NAALAD2: variants seen among roughly 807,000 people sequenced by gnomAD.
NAALAD2 encodes the protein N-acetylated alpha-linked acidic dipeptidase 2, also known as N-acetylated-alpha-linked acidic dipeptidase 2.
NAALAD2 carries 89 observed loss-of-function variants against 95.6 expected under a neutral mutation model. That is an observed-to-expected ratio of 0.93 (90% CI 0.78 to 1.11). NAALAD2 has a LOEUF of 1.11. Among genes scored for constraint, NAALAD2 ranks in the 50% least tolerant of loss-of-function variants. The pLI is 0.00. For synonymous variants in NAALAD2, 264 were observed against 294.4 expected, an observed-to-expected ratio of 0.90 and a Z score of 1.06; for missense variants, 894 against 872.4, an observed-to-expected ratio of 1.02 and a Z score of -0.31.
At chr11:90,160,869 C>A (rs369615022) in intron 8 of NAALAD2, among the ~76,000 whole-genome samples, 1 of 152,142 alleles carries the variant, frequency 6.6e-6, no homozygotes, top group East Asian at 1.9e-4. Flanking sequence ...AAATAAACAA[C>A]AACAAAACTA....
In NAALAD2 at chr11:90,150,663, T is replaced by C. The variant is rs1951867344; in HGVS notation, c.609+56T>C. 3.0e-6 allele frequency: 4 copies of C among 1,348,568 alleles called. No homozygotes were observed. The Admixed American group carries it at 1.0e-4, about 34-fold the overall frequency. 83.5% of individuals were successfully genotyped at this position (1,348,568 alleles called of 1,614,324 possible). A position where few individuals can be genotyped will look rare whatever the true frequency, so the allele number is the denominator to read the frequency against. The stretch of plus-strand genomic sequence containing the variant: ...TGAGAGGATATATATATTCTGTAAA[T>C]GTAAATGACCAACTTGCTTCTCTGT... On this transcript the variant is annotated intron_variant, in intron 5 of 18. Transcript: ENST00000534061.
chr11:90,158,998 T>C, intron 7 of NAALAD2: 2 of 422,568 alleles, frequency 4.7e-6, no homozygotes, highest in South Asian at 5.6e-5. Context: ...TTGCCATGAC[T>C]ACTTTATTTT....
chr11:90,134,496 A>G, upstream of NAALAD2: 1 of 474,106 alleles, frequency 2.1e-6, no homozygotes, highest in East Asian at 3.7e-5. Flanking sequence ...GCCACCTACT[A>G]TGTCCGGGTT....
Position 90,163,549 on chromosome 11 carries a change from A to G in NAALAD2, c.1210A>G (p.Arg404Gly), listed in dbSNP as rs1357528461. Residue 404 changes from arginine to glycine, a missense_variant, in exon 11 of 19, where the codon AGA becomes GGA. Arg to Gly is a moderately radical substitution (Grantham distance 125). Coordinates refer to ENST00000534061, the MANE Select transcript of NAALAD2 (RefSeq NM_005467.4). ...KLMSKGWRPR[R>G]TIIFASWDAE... Reference sequence around the variant, plus strand: ...AATTCTTACAGGCTGGAGACCTAGAAGAACTATCATTTTTGCCAGCTGGGA... The same window carrying G: ...AATTCTTACAGGCTGGAGACCTAGAGGAACTATCATTTTTGCCAGCTGGGA... The G allele has an allele frequency of 1.2e-6, 2 of 1,614,090 alleles. No individual in the cohort carries two copies. Among genetic ancestry groups the G allele is most frequent in the Non-Finnish European group, 1.7e-6 (2 of 1,179,978 alleles).
chr11:90,179,488 TATATA>T (rs1374183164), intron 16 of NAALAD2, among the ~76,000 whole-genome samples: 2 of 152,100 alleles, frequency 1.3e-5, no homozygotes, highest in African/African-American at 4.8e-5. Context: ...TAGTAATCTT[TATATA>T]ATATTATATA....
chr11:90,166,172 A>G (rs988346357), intron 11 of NAALAD2, among the ~76,000 whole-genome samples: 8 of 152,200 alleles, frequency 5.3e-5, no homozygotes, highest in Non-Finnish European at 1.2e-4. Flanking sequence ...ACAGCTTTAA[A>G]TGTTTTTACT....
At chr11:90,164,021 T>A in intron 11 of NAALAD2, 1 of 306,110 alleles carries the variant, frequency 3.3e-6, no homozygotes, top group Non-Finnish European at 5.9e-6. Context: ...TGAGAAAATA[T>A]AAGATGTTCT....
rs751209330 is a variant in NAALAD2, at chr11:90,158,244, G to A, written c.890+6G>A. ...GATGCAGAAATATTATTACGGTATA[G>A]TTTTCTTGTTGGATATGAGATTAAG... On this transcript the variant is annotated splice_donor_region_variant and intron_variant, in intron 7 of 18. Transcript: ENST00000534061. The A allele has an allele frequency of 1.3e-6, 2 of 1,590,382 alleles. No individual in the cohort carries two copies. Among genetic ancestry groups the A allele is most frequent in the South Asian group, 1.1e-5 (1 of 89,494 alleles).
In NAALAD2 at chr11:90,181,250, T is replaced by A. The variant is rs148480409; in HGVS notation, c.1859-370T>A. 4.9e-3 allele frequency among the ~76,000 whole-genome samples: 749 copies of A among 152,202 alleles called. 4 individuals carry two copies. The highest frequency in any genetic ancestry group is 0.017 in the African/African-American group (714 of 41,552). On this transcript the variant is annotated intron_variant, in intron 16 of 18. Transcript: ENST00000534061. Reference sequence around the variant, plus strand: ...CAAGAATTGGTATTTTTTTTTGCCCTGTAATAATTACAGAATCATATCCTA... The same window carrying A: ...CAAGAATTGGTATTTTTTTTTGCCCAGTAATAATTACAGAATCATATCCTA...
chr11:90,181,168 A>C (rs965826378), intron 16 of NAALAD2, among the ~76,000 whole-genome samples: 4 of 152,110 alleles, frequency 2.6e-5, no homozygotes, highest in Non-Finnish European at 2.9e-5. Context: ...GTATCTGGTT[A>C]TATCAGTTTG....
chr11:90,142,593 T>C (rs552059784), intron 2 of NAALAD2, among the ~76,000 whole-genome samples: 51 of 152,184 alleles, frequency 3.4e-4, no homozygotes, highest in Non-Finnish European at 4.7e-4. Context: ...TGCTGTTTTA[T>C]CCATTTTTGT....
In NAALAD2 at chr11:90,134,667, C is replaced by A; in HGVS notation, c.-92C>A. On this transcript the variant is annotated 5_prime_UTR_variant, in exon 1 of 19. Transcript: ENST00000534061. Reference sequence around the variant, plus strand: ...GAAGGTCAGCGGAGGCCACCCAGAGCTCACAGCCTCCTGCCAGCGCGCTCT... The same window carrying A: ...GAAGGTCAGCGGAGGCCACCCAGAGATCACAGCCTCCTGCCAGCGCGCTCT... 7.7e-7 allele frequency: 1 copy of A among 1,299,090 alleles called. No homozygotes were observed. The highest frequency in any genetic ancestry group is 1.1e-6 in the Non-Finnish European group (1 of 903,090). 80.5% of individuals were successfully genotyped at this position (1,299,090 alleles called of 1,614,324 possible). A position where few individuals can be genotyped will look rare whatever the true frequency, so the allele number is the denominator to read the frequency against.
intron 6 of NAALAD2, among the ~76,000 whole-genome samples, chr11:90,152,870 C>CCGATAG (rs11270311): frequency 2.0e-5 from 3 of 151,636 alleles, no homozygotes; most frequent in Admixed American, 1.3e-4. Flanking sequence ...TTTTGAATTA[C>CCGATAG]ATTTTTTAAA....
At chr11:90,178,247 CA>C in intron 16 of NAALAD2, 130 bp downstream of exon 16, 1 of 1,068,946 alleles carries the variant, frequency 9.4e-7, no homozygotes. Context: ...GACTTCTACA[CA>C]AAAACTTAAA....
At position 90,176,081 on chromosome 11, in the gene NAALAD2, T is replaced by G; in HGVS notation, c.1593+19T>G. 6.3e-7 allele frequency: 1 copy of G among 1,576,722 alleles called. No individual in the cohort carries two copies. The highest frequency in any genetic ancestry group is 8.7e-7 in the Non-Finnish European group (1 of 1,146,606). ...GAATAAGGTAAGCCATTTTATCATT[T>G]TGAATATATAACATTTCATCTACAG... On this transcript the variant is annotated intron_variant, in intron 15 of 18. Transcript: ENST00000534061.
chr11:90,172,512 C>T (rs1952673415), intron 13 of NAALAD2, among the ~76,000 whole-genome samples: 1 of 152,132 alleles, frequency 6.6e-6, no homozygotes, highest in Non-Finnish European at 1.5e-5. Flanking sequence ...AATCATGTGC[C>T]AATACCCAAC....
upstream of NAALAD2, among the ~76,000 whole-genome samples, chr11:90,133,829 CTTTTT>C (rs34638303): frequency 1.1e-4 from 17 of 149,592 alleles, no homozygotes; most frequent in Non-Finnish European, 2.1e-4. Context: ...GAAAGAAACT[CTTTTT>C]TTTTTTGTTT....
intron 2 of NAALAD2, among the ~76,000 whole-genome samples, chr11:90,142,688 G>T (rs552551393): frequency 6.6e-6 from 1 of 152,060 alleles, no homozygotes; most frequent in African/African-American, 2.4e-5. Flanking sequence ...TGCCTTGTGA[G>T]TATTTAGTCC....
chr11:90,143,891 G>A (rs1195389403), intron 2 of NAALAD2, among the ~76,000 whole-genome samples: 8 of 152,144 alleles, frequency 5.3e-5, no homozygotes, highest in Non-Finnish European at 8.8e-5. Context: ...ACCCATCTGT[G>A]CTGTTGATGA....
Sources: gnomAD v4.1 joint callset for allele counts (sites outside exome capture counted in the v4.1 genomes callset) on GRCh38, gnomAD v4.1.1 for gene constraint, MANE v1.5 for transcripts, NCBI Gene and HGNC (gene_info 2026-07-23, HGNC 2026-07-21) for gene names.